Variants in PREX2 observed in about 807,000 individuals in gnomAD.
The protein encoded by PREX2 is phosphatidylinositol 3,4,5-trisphosphate-dependent Rac exchanger 2 protein.
PREX2 carries 107 observed loss-of-function variants against 203.2 expected under a neutral mutation model. The observed-to-expected ratio is 0.53, with a 90% CI of 0.45 to 0.62. The LOEUF is 0.62. Among genes scored for constraint, PREX2 ranks in the 20% least tolerant of loss-of-function variants. The pLI, the probability that PREX2 is intolerant of heterozygous loss-of-function variation, is 0.00. For synonymous variants in PREX2, 672 were observed against 663.6 expected, an observed-to-expected ratio of 1.01 and a Z score of -0.19; for missense variants, 1,777 against 1,955.9, an observed-to-expected ratio of 0.91 and a Z score of 1.72.
chr8:67,976,901 C>T (rs558566415), intron 1 of PREX2, among the ~76,000 whole-genome samples: 2 of 152,282 alleles, frequency 1.3e-5, no homozygotes, highest in African/African-American at 2.4e-5. Flanking sequence ...AATGGATCCT[C>T]CAGCCACCCC....
At chr8:68,185,788 C>T (rs1261244287) in intron 35 of PREX2, among the ~76,000 whole-genome samples, 5 of 130,026 alleles carry the variant, frequency 3.8e-5, no homozygotes, top group Non-Finnish European at 8.5e-5. Context: ...GAAGTTATGA[C>T]AGTGAGGCCT....
intron 37 of PREX2, among the ~76,000 whole-genome samples, chr8:68,204,678 C>CTTTTTTTTTTTTTTTTTTT (rs1192583427): frequency 4.1e-4 from 34 of 83,430 alleles, no homozygotes; most frequent in East Asian, 8.5e-4. Flanking sequence ...TTTCTTCTTT[C>CTTTTTTTTTTTTTTTTTTT]TTTTTTTTTT....
chr8:68,065,812 C>G (rs188757389), intron 11 of PREX2, among the ~76,000 whole-genome samples: 1 of 152,156 alleles, frequency 6.6e-6, no homozygotes, highest in African/African-American at 2.4e-5. Context: ...CTTTCTAAAA[C>G]AGACATTTTT....
intron 17 of PREX2, 112 bp from the exon 18 acceptor site, chr8:68,083,128 T>C (rs1809580391): frequency 1.4e-6 from 1 of 707,506 alleles, no homozygotes; most frequent in East Asian, 2.7e-5. Flanking sequence ...GCAGGTGTGT[T>C]AAAATGTCAA....
At chr8:68,068,819 C>A (rs545982044) in intron 11 of PREX2, among the ~76,000 whole-genome samples, 1 of 143,658 alleles carries the variant, frequency 7.0e-6, no homozygotes, top group Non-Finnish European at 1.5e-5. Flanking sequence ...TTTCTCAAAT[C>A]GTTATATGGA....
intron 5 of PREX2, among the ~76,000 whole-genome samples, chr8:68,028,174 AGACCTAT>A (rs919798468): frequency 2.6e-5 from 4 of 151,986 alleles, no homozygotes; most frequent in Admixed American, 2.0e-4. Context: ...TTTATAGCAC[AGACCTAT>A]GGGAATGTGT....
At position 68,231,343 on chromosome 8, in the gene PREX2, C is replaced by A; in HGVS notation, c.4786C>A (p.Leu1596Met). Residue 1596 changes from leucine (L) to methionine (M), a missense_variant, in exon 40 of 40, where the codon CTG becomes ATG. By Grantham distance (15) the Leu-to-Met change is conservative. Transcript: ENST00000288368. ...TPQSAPRLYK[L>M]CEPPPPAGEE ...CCATGCCTTTTCTAGGCTGTACAAG[C>A]TGTGCGAGCCACCTCCCCCAGCTGG... The A allele has an allele frequency of 6.3e-7, 1 of 1,598,052 alleles. No homozygotes were observed. The highest frequency in any genetic ancestry group is 8.5e-7 in the Non-Finnish European group (1 of 1,173,910).
chr8:67,964,563 A>G (rs1274122567), intron 1 of PREX2, among the ~76,000 whole-genome samples: 1 of 152,186 alleles, frequency 6.6e-6, no homozygotes, highest in East Asian at 1.9e-4. Flanking sequence ...ATAGCAATCC[A>G]TCTAACATTT....
chr8:68,042,464 A>G (rs1808227774), intron 7 of PREX2, among the ~76,000 whole-genome samples: 1 of 152,068 alleles, frequency 6.6e-6, no homozygotes, highest in Non-Finnish European at 1.5e-5. Context: ...TTCTAAAAAT[A>G]TATATCCATT....
intron 1 of PREX2, among the ~76,000 whole-genome samples, chr8:68,007,758 C>T (rs986564274): frequency 3.9e-5 from 6 of 152,004 alleles, no homozygotes; most frequent in African/African-American, 9.7e-5. Flanking sequence ...TACAGGTGCC[C>T]GCCACCACGC....
chr8:68,075,182 T>G (rs1809310055), intron 14 of PREX2, among the ~76,000 whole-genome samples: 1 of 152,182 alleles, frequency 6.6e-6, no homozygotes, highest in Non-Finnish European at 1.5e-5. Flanking sequence ...ACAAGGAGGA[T>G]TTTAAAAGAG....
At position 68,169,264 on chromosome 8, in the gene PREX2, C is replaced by T. The variant is rs192347087; in HGVS notation, c.4346+11828C>T. Among the ~76,000 whole-genome samples the T allele has an allele frequency of 2.0e-4, 31 of 152,180 alleles. 1 individual carries two copies. Among genetic ancestry groups the T allele is most frequent in the Middle Eastern group, 3.4e-3 (1 of 294 alleles). ...TGAAGGACCTGGGGAGGCAATCAGCCAGACCCAGGCCACGCACCCATTCCT... is the reference window on the plus strand; with the variant it reads ...TGAAGGACCTGGGGAGGCAATCAGCTAGACCCAGGCCACGCACCCATTCCT... On this transcript the variant is annotated intron_variant, in intron 35 of 39. Transcript: ENST00000288368.
intron 1 of PREX2, among the ~76,000 whole-genome samples, chr8:67,979,012 T>A (rs1222403118): frequency 6.6e-6 from 1 of 152,204 alleles, no homozygotes; most frequent in African/African-American, 2.4e-5. Context: ...CAATTAGACA[T>A]TCTTGTTGAA....
At chr8:67,974,426 A>G (rs1207327675) in intron 1 of PREX2, among the ~76,000 whole-genome samples, 30 of 126,522 alleles carry the variant, frequency 2.4e-4, no homozygotes, top group Admixed American at 7.5e-4. Context: ...AACATTCTTC[A>G]TGTTCTGAAA....
At chr8:68,202,048 G>A (rs1056597789) in intron 37 of PREX2, among the ~76,000 whole-genome samples, 12 of 151,862 alleles carry the variant, frequency 7.9e-5, no homozygotes, top group African/African-American at 2.9e-4. Context: ...TGGGATTACA[G>A]GCGCCCACCA....
At chr8:68,096,887 T>G (rs1159682665) in intron 21 of PREX2, 130 bp from the exon 22 acceptor site, 1 of 723,008 alleles carries the variant, frequency 1.4e-6, no homozygotes, top group Admixed American at 2.7e-5. Flanking sequence ...AATAGATGCT[T>G]CATTTAACAC....
chr8:68,016,301 A>G (rs1324095175), intron 1 of PREX2, among the ~76,000 whole-genome samples: 1 of 152,146 alleles, frequency 6.6e-6, no homozygotes, highest in Non-Finnish European at 1.5e-5. Context: ...GCATCTGCAT[A>G]TATGTATGTA....
At chr8:68,219,276 TTAAAAC>T (rs1412968963) in intron 38 of PREX2, among the ~76,000 whole-genome samples, 34 of 151,960 alleles carry the variant, frequency 2.2e-4, no homozygotes, top group Admixed American at 4.0e-4. Context: ...CGTTAACTTC[TTAAAAC>T]TAAAAGTGGA....
chr8:68,048,955 G>A (rs936129638), intron 8 of PREX2, among the ~76,000 whole-genome samples: 7 of 151,652 alleles, frequency 4.6e-5, no homozygotes, highest in Non-Finnish European at 1.0e-4. Flanking sequence ...TAATTAAAAC[G>A]TAACAATGGC....
Sources: allele counts gnomAD v4.1 joint callset (sites outside exome capture counted in the v4.1 genomes callset), GRCh38; gene constraint gnomAD v4.1.1; transcripts MANE v1.5; gene names NCBI Gene and HGNC (gene_info 2026-07-23, HGNC 2026-07-21).